Variants in DAZAP1 observed in about 807,000 individuals in gnomAD.
DAZAP1 encodes the protein DAZ-associated protein 1.
Under a neutral mutation model 60.1 loss-of-function variants are expected in DAZAP1, and 6 were observed. The observed-to-expected ratio is 0.10, with a 90% confidence interval of 0.05 to 0.20. The LOEUF is 0.20. Ranked by LOEUF, DAZAP1 falls within the 10% of genes least tolerant of loss-of-function variation. The pLI is 1.00. For missense variants in DAZAP1, 366 were observed against 560.4 expected, an observed-to-expected ratio of 0.65 and a Z score of 3.50; for synonymous variants, 235 against 215.9, an observed-to-expected ratio of 1.09 and a Z score of -0.78.
rs772069568 is a variant in DAZAP1, at chr19:1,430,011, A to G, written c.730+15A>G. The stretch of plus-strand genomic sequence containing the variant: ...ACAGGCGATTGGTAAGTCCTTGTTT[A>G]TAGAGCAAAGGCGGGGACAGAAGCC... On this transcript the variant is annotated intron_variant, in intron 9 of 11. Transcript: ENST00000233078. 2 of 1,574,568 alleles carry G rather than the reference A, an allele frequency of 1.3e-6. No homozygotes were observed. Among genetic ancestry groups the G allele is most frequent in the East Asian group, 4.6e-5 (2 of 43,198 alleles).
rs1026417579 is a variant in DAZAP1, at chr19:1,434,099, G to C, written c.1049-638G>C. The C allele has an allele frequency of 3.9e-6, 2 of 511,036 alleles. No individual in the cohort carries two copies. The highest frequency in any genetic ancestry group is 1.9e-5 in the African/African-American group (1 of 51,590). The allele number at this position is 511,036 out of a possible 1,614,324, so 31.7% of individuals were successfully genotyped here. On this transcript the variant is annotated intron_variant, in intron 11 of 11. Transcript: ENST00000233078. The surrounding 1 kb of genome is among the most constrained non-coding windows in gnomAD (Gnocchi z 8.0). ...GGTGTGCAGCGGGGTGGGGAGCGGC[G>C]TGAGCAGCTCTGTCCTTGTAAAGAC... is the stretch of plus-strand genomic sequence containing the variant.
rs565289252 is a variant in DAZAP1 at position 1,425,403 on chromosome 19, C to T, written c.464-475C>T. 5.3e-4 allele frequency among the ~76,000 whole-genome samples: 81 copies of T among 152,320 alleles called. No individual in the cohort carries two copies. The highest frequency in any genetic ancestry group is 1.9e-3 in the African/African-American group (80 of 41,568). ...CGGTGCACACCCCTGACTAAGATGG[C>T]GCATTCCACGCGGGCCCCCGGCCTG... On this transcript the variant is annotated intron_variant, in intron 6 of 11. Transcript: ENST00000233078. This position sits in a 1 kb window ranked among gnomAD's most constrained non-coding sequence, Gnocchi z 5.4.
At chr19:1,429,194 G>A (rs934238482) in intron 8 of DAZAP1, among the ~76,000 whole-genome samples, 199 bp downstream of exon 8, 9 of 152,272 alleles carry the variant, frequency 5.9e-5, no homozygotes, top group African/African-American at 2.2e-4. Flanking sequence ...CTCAGTAGCG[G>A]GGTGGCCACG....
rs1014613691 is a variant in DAZAP1, at chr19:1,433,002, T to A, written c.1048+312T>A. ...GTCGCAGGCAGCTGTGATCACTGTC[T>A]AGAGGTTCAGGCCCTCGGTGTGGGT... is the stretch of plus-strand genomic sequence containing the variant. On this transcript the variant is annotated intron_variant, in intron 11 of 11. Coordinates refer to ENST00000233078, the MANE Select transcript of DAZAP1 (RefSeq NM_018959.4). The surrounding 1 kb of genome is among the most constrained non-coding windows in gnomAD (Gnocchi z 6.1). 2.4e-5 allele frequency: 8 copies of A among 339,462 alleles called. No individual in the cohort carries two copies. Among genetic ancestry groups the A allele is most frequent in the African/African-American group, 1.3e-4 (6 of 46,618 alleles). 21.0% of individuals were successfully genotyped at this position (339,462 alleles called of 1,614,324 possible).
At position 1,433,785 on chromosome 19, in the gene DAZAP1, T is replaced by G; in HGVS notation, c.1049-952T>G. ...CCCCGCCGGGCTGCGGCCCACACTT[T>G]GTTTACAGTCTTATGGTCAGGCTGA... On this transcript the variant is annotated intron_variant, in intron 11 of 11. Transcript: ENST00000233078. The surrounding 1 kb of genome is among the most constrained non-coding windows in gnomAD (Gnocchi z 6.1). The G allele has an allele frequency of 1.2e-6, 2 of 1,614,014 alleles. No individual in the cohort carries two copies. Among genetic ancestry groups the G allele is most frequent in the Non-Finnish European group, 8.5e-7 (1 of 1,179,914 alleles).
chr19:1,433,964 T>C lies in DAZAP1; in HGVS notation c.1049-773T>C. The stretch of plus-strand genomic sequence containing the variant: ...GGGGCCCTTGCCGGTGCCAAGACAT[T>C]GGCCACAAGCCTTCAGCGGGCCCAG... On this transcript the variant is annotated intron_variant, in intron 11 of 11. Transcript: ENST00000233078. The surrounding 1 kb of genome is among the most constrained non-coding windows in gnomAD (Gnocchi z 6.1). The C allele has an allele frequency of 1.3e-6, 1 of 745,516 alleles. No homozygotes were observed. The highest frequency in any genetic ancestry group is 2.2e-6 in the Non-Finnish European group (1 of 452,334). 46.2% of individuals were successfully genotyped at this position (745,516 alleles called of 1,614,324 possible).
intron 5 of DAZAP1, 147 bp downstream of exon 5, chr19:1,421,405 C>T (rs1355627890): frequency 4.0e-5 from 27 of 676,392 alleles, no homozygotes; most frequent in Middle Eastern, 4.1e-4. Flanking sequence ...CCAACGCCTG[C>T]GCCCTCCGGA....
Position 1,432,707 on chromosome 19 carries a change from C to T in DAZAP1, c.1048+17C>T. On this transcript the variant is annotated intron_variant, in intron 11 of 11. Coordinates refer to ENST00000233078, the MANE Select transcript of DAZAP1 (RefSeq NM_018959.4). This position sits in a 1 kb window ranked among gnomAD's most constrained non-coding sequence, Gnocchi z 4.9. Reference sequence around the variant, plus strand: ...GTCAGTATGGTAAGTGGTCTCCTGCCATGCCGCGTCCCCGCTGGCCCCAGG... The same window carrying T: ...GTCAGTATGGTAAGTGGTCTCCTGCTATGCCGCGTCCCCGCTGGCCCCAGG... The T allele has an allele frequency of 3.2e-6, 5 of 1,573,220 alleles. No individual in the cohort carries two copies. Among genetic ancestry groups the T allele is most frequent in the South Asian group, 1.2e-5 (1 of 85,368 alleles).
chr19:1,416,028 T>C lies in DAZAP1; in HGVS notation c.30-1472T>C, dbSNP rs2144752404. On this transcript the variant is annotated intron_variant, in intron 1 of 11. Transcript: ENST00000233078. The surrounding 1 kb of genome is among the most constrained non-coding windows in gnomAD (Gnocchi z 4.3). Reference sequence around the variant, plus strand: ...AGGAACAGGGACAAGCTCCTGGCGGTTGGCTGTGGCAGACACTTCACCAGG... The same window carrying C: ...AGGAACAGGGACAAGCTCCTGGCGGCTGGCTGTGGCAGACACTTCACCAGG... 6.6e-6 allele frequency: 1 copy of C among 152,308 alleles called. No individual in the cohort carries two copies. The highest frequency in any genetic ancestry group is 2.1e-4 in the South Asian group (1 of 4,828). The allele number at this position is 152,308 out of a possible 1,614,324, so 9.4% of individuals were successfully genotyped here.
chr19:1,407,608 G>C lies in DAZAP1; in HGVS notation c.-166G>C. 1 of 545,704 alleles carries C rather than the reference G, an allele frequency of 1.8e-6. No individual in the cohort carries two copies. Among genetic ancestry groups the C allele is most frequent in the Non-Finnish European group, 2.3e-6 (1 of 430,498 alleles). The allele number at this position is 545,704 out of a possible 1,614,324, so 33.8% of individuals were successfully genotyped here. On this transcript the variant is annotated 5_prime_UTR_variant, in exon 1 of 12. Coordinates refer to ENST00000233078, the MANE Select transcript of DAZAP1 (RefSeq NM_018959.4). ...GACGCGCGGTGACCGTTGGCGCCGA[G>C]GGGAGGAGGCAGCCGCCGCCGCCGC...
intron 1 of DAZAP1, among the ~76,000 whole-genome samples, chr19:1,410,416 G>T (rs1177455021): frequency 2.6e-5 from 4 of 152,198 alleles, no homozygotes; most frequent in Non-Finnish European, 5.9e-5. Context: ...CTTGTGAAGG[G>T]TGGGGGACAG....
At position 1,428,655 on chromosome 19, in the gene DAZAP1, A is replaced by G; in HGVS notation, c.547-187A>G. On this transcript the variant is annotated intron_variant, in intron 7 of 11. Transcript: ENST00000233078. The surrounding 1 kb of genome is among the most constrained non-coding windows in gnomAD (Gnocchi z 4.0). Reference sequence around the variant, plus strand: ...TACCTGAGAAACATTTTTTAAACAAAAAAATTCAACACAAAAGAATTTTTT... The same window carrying G: ...TACCTGAGAAACATTTTTTAAACAAGAAAATTCAACACAAAAGAATTTTTT... The G allele has an allele frequency of 1.3e-6, 1 of 752,436 alleles. No homozygotes were observed. The highest frequency in any genetic ancestry group is 2.1e-6 in the Non-Finnish European group (1 of 481,568). 46.6% of individuals were successfully genotyped at this position (752,436 alleles called of 1,614,324 possible). A position where few individuals can be genotyped will look rare whatever the true frequency, so the allele number is the denominator to read the frequency against.
chr19:1,425,818 A>C lies in DAZAP1; in HGVS notation c.464-60A>C. ...CCTCGGCCCGTCCCTAATACTGTTC[A>C]TCATCCTGTTTTGTGTCACAACACC... On this transcript the variant is annotated intron_variant, in intron 6 of 11. Coordinates refer to ENST00000233078, the MANE Select transcript of DAZAP1 (RefSeq NM_018959.4). This position sits in a 1 kb window ranked among gnomAD's most constrained non-coding sequence, Gnocchi z 5.4. 5 of 1,177,010 alleles carry C rather than the reference A, an allele frequency of 4.2e-6. No individual in the cohort carries two copies. Among genetic ancestry groups the C allele is most frequent in the African/African-American group, 1.5e-5 (1 of 66,348 alleles). The allele number at this position is 1,177,010 out of a possible 1,614,324, so 72.9% of individuals were successfully genotyped here.
At chr19:1,429,844 G>A (rs988262582) in intron 8 of DAZAP1, 123 bp from the exon 9 acceptor site, 7 of 1,208,998 alleles carry the variant, frequency 5.8e-6, no homozygotes, top group South Asian at 2.8e-5. Context: ...GGACGAACAG[G>A]CTCTAAGCAC....
At position 1,421,271 on chromosome 19, in the gene DAZAP1, C is replaced by T. The variant is rs780995711; in HGVS notation, c.414+13C>T. 1 of 1,610,452 alleles carries T rather than the reference C, an allele frequency of 6.2e-7. No homozygotes were observed. Among genetic ancestry groups the T allele is most frequent in the South Asian group, 1.1e-5 (1 of 90,992 alleles). On this transcript the variant is annotated intron_variant, in intron 5 of 11. Transcript: ENST00000233078. ...GAAGTTCGGAGTGGTGAGTTTCTCC[C>T]CACCCCGGCAGCACTGTGGGGACAG...
intron 8 of DAZAP1, 69 bp from the exon 9 acceptor site, chr19:1,429,898 G>A: frequency 1.3e-6 from 2 of 1,546,680 alleles, no homozygotes; most frequent in East Asian, 2.4e-5. Context: ...TCCATGCTCT[G>A]CGGCTCCTTC....
intron 1 of DAZAP1, among the ~76,000 whole-genome samples, chr19:1,412,312 C>T (rs1210431910): frequency 1.3e-5 from 2 of 152,156 alleles, no homozygotes; most frequent in Non-Finnish European, 2.9e-5. Context: ...TCCTGGTTTC[C>T]CACCTGGTCT....
Position 1,430,377 on chromosome 19 carries a change from C to G in DAZAP1, c.871+15C>G. ...GCCACAGTTCAGTAAGTCTAGGGGG[C>G]CTTGTGGGAGGGCCTCCCGCCTGCT... On this transcript the variant is annotated intron_variant, in intron 10 of 11. Transcript: ENST00000233078. 4 of 1,460,136 alleles carry G rather than the reference C, an allele frequency of 2.7e-6. No homozygotes were observed. The highest frequency in any genetic ancestry group is 3.6e-6 in the Non-Finnish European group (4 of 1,105,944). The allele number at this position is 1,460,136 out of a possible 1,614,324, so 90.4% of individuals were successfully genotyped here.
At chr19:1,429,054 G>A (rs2083375241) in intron 8 of DAZAP1, 59 bp downstream of exon 8, 15 of 1,497,854 alleles carry the variant, frequency 1.0e-5, no homozygotes, top group South Asian at 5.3e-5. Flanking sequence ...TGGCCCGCGC[G>A]CCCTGGGCTG....
Sources: allele counts gnomAD v4.1 joint callset (sites outside exome capture counted in the v4.1 genomes callset), GRCh38; gene constraint gnomAD v4.1.1; non-coding constraint Gnocchi (gnomAD v3.1); transcripts MANE v1.5; gene names NCBI Gene and HGNC (gene_info 2026-07-23, HGNC 2026-07-21).